DNAJB4: variants seen among roughly 807,000 people sequenced by gnomAD.
The protein encoded by DNAJB4 is dnaJ homolog subfamily B member 4.
A neutral mutation model predicts 26.6 loss-of-function variants in DNAJB4; 10 were observed. The ratio of observed to expected loss-of-function variants is 0.38; its 90% CI spans 0.23 to 0.64. The LOEUF (loss-of-function observed/expected upper bound fraction) is 0.64. DNAJB4 is among the 30% of genes least tolerant of loss of function. The pLI is 0.58. For synonymous variants in DNAJB4, 136 were observed against 134.8 expected (o/e 1.01, Z -0.06); for missense variants, 328 against 408.2 (o/e 0.80, Z 1.69).
chr1:78,015,531 TTTTCTTTC>T (rs1164236768), intron 2 of DNAJB4, among the ~76,000 whole-genome samples: 3 of 149,240 alleles, frequency 2.0e-5, no homozygotes, highest in Non-Finnish European at 3.0e-5. Context: ...TTCTTTTTCT[TTTTCTTTC>T]TTTCTTTCTT....
chr1:78,017,957 G>C lies in DNAJB4; in HGVS notation c.*1710G>C, dbSNP rs1660685384. On this transcript the variant is annotated 3_prime_UTR_variant, in exon 3 of 3. Transcript: ENST00000370763. ...TTTTTTGGCTATTATAAATAATGCT[G>C]CTGTGAACATTTGTGTGCAAGTTTT... 1 of 151,526 alleles carries C rather than the reference G, an allele frequency of 6.6e-6. No homozygotes were observed. Among genetic ancestry groups the C allele is most frequent in the Non-Finnish European group, 1.5e-5 (1 of 67,892 alleles). The allele number at this position is 151,526 out of a possible 1,614,324, so 9.4% of individuals were successfully genotyped here. A position where few individuals can be genotyped will look rare whatever the true frequency, so the allele number is the denominator to read the frequency against.
chr1:78,012,060 A>G (rs949846298), intron 1 of DNAJB4, among the ~76,000 whole-genome samples: 1 of 148,118 alleles, frequency 6.8e-6, no homozygotes, highest in Non-Finnish European at 1.5e-5. Context: ...AAAAACTTAT[A>G]TATTTATAAG....
intron 1 of DNAJB4, among the ~76,000 whole-genome samples, chr1:77,989,554 T>A (rs1659884495): frequency 6.6e-6 from 1 of 152,180 alleles, no homozygotes; most frequent in African/African-American, 2.4e-5. Flanking sequence ...ATACATGTGT[T>A]TTTAGGTTAA....
rs527256072 is a variant in DNAJB4, at chr1:77,985,876, C to T, written c.-32+5554C>T. Among the ~76,000 whole-genome samples the T allele has an allele frequency of 5.9e-5, 9 of 152,042 alleles. No individual in the cohort carries two copies. The South Asian group carries it at 1.2e-3, about 21-fold the overall frequency. ...TAAACAAAATAGACATATATCTCACCGTCTTGTCTTGAGCATGCTAGTGAG... is the reference window on the plus strand; with the variant it reads ...TAAACAAAATAGACATATATCTCACTGTCTTGTCTTGAGCATGCTAGTGAG... On this transcript the variant is annotated intron_variant, in intron 1 of 2. Coordinates refer to the DNAJB4 transcript ENST00000426517.
Position 77,987,371 on chromosome 1 carries a change from C to T in DNAJB4, c.-32+7049C>T, listed in dbSNP as rs573954453. 2.0e-5 allele frequency among the ~76,000 whole-genome samples: 3 copies of T among 152,282 alleles called. No individual in the cohort carries two copies. In the South Asian group the frequency reaches 6.2e-4, roughly 32 times the overall value. The stretch of plus-strand genomic sequence containing the variant: ...CTTGAGCTCTTGGGCTCAAGTGATC[C>T]CCCTGCCTCAGCCTCCTGAGTAGCT... On this transcript the variant is annotated intron_variant, in intron 1 of 2. Transcript: ENST00000426517.
chr1:78,000,125 G>A (rs1342659683), upstream of DNAJB4, among the ~76,000 whole-genome samples: 1 of 152,142 alleles, frequency 6.6e-6, no homozygotes, highest in Non-Finnish European at 1.5e-5. Flanking sequence ...CAATTGGACA[G>A]CTGTGTGTGT....
intron 1 of DNAJB4, among the ~76,000 whole-genome samples, chr1:77,983,977 C>A (rs971069531): frequency 5.9e-5 from 9 of 152,152 alleles, no homozygotes; most frequent in African/African-American, 2.2e-4. Context: ...AATTCAGGGT[C>A]TAGAAACAGC....
In DNAJB4 at chr1:78,016,759, G is replaced by A. The variant is rs1226913123; in HGVS notation, c.*512G>A. 2.6e-5 allele frequency: 4 copies of A among 152,598 alleles called. No individual in the cohort carries two copies. Among genetic ancestry groups the A allele is most frequent in the African/African-American group, 9.6e-5 (4 of 41,560 alleles). 9.5% of individuals were successfully genotyped at this position (152,598 alleles called of 1,614,324 possible). ...TGTAAAAGAATATCCTGATGCATCT[G>A]TTTCACCATTTTGATTTTTAAAGTA... is the stretch of plus-strand genomic sequence containing the variant. On this transcript the variant is annotated 3_prime_UTR_variant, in exon 3 of 3. Transcript: ENST00000370763.
intron 1 of DNAJB4, among the ~76,000 whole-genome samples, chr1:77,993,998 C>G (rs553878544): frequency 3.3e-5 from 5 of 152,186 alleles, no homozygotes; most frequent in Admixed American, 1.3e-4. Flanking sequence ...TTAAAGTCTT[C>G]GAATCATAGT....
At chr1:77,985,441 A>T (rs997122395) in intron 1 of DNAJB4, among the ~76,000 whole-genome samples, 1 of 152,142 alleles carries the variant, frequency 6.6e-6, no homozygotes, top group Non-Finnish European at 1.5e-5. Flanking sequence ...AAAGGAATTA[A>T]TTTTTTTATA....
upstream of DNAJB4, among the ~76,000 whole-genome samples, chr1:78,003,105 A>G (rs1332599000): frequency 6.6e-6 from 1 of 152,142 alleles, no homozygotes; most frequent in Non-Finnish European, 1.5e-5. Context: ...TCCTTTGGTA[A>G]GGAATATTTA....
chr1:78,013,020 T>G, intron 1 of DNAJB4, 31 bp from the exon 2 acceptor site: 1 of 1,520,852 alleles, frequency 6.6e-7, no homozygotes. Flanking sequence ...GTTGCAAGCT[T>G]TTTTCTAATC....
At position 78,013,530 on chromosome 1, in the gene DNAJB4, A is replaced by G. The variant is rs751877573; in HGVS notation, c.691A>G (p.Ile231Val). 3.1e-5 allele frequency: 50 copies of G among 1,613,484 alleles called. No individual in the cohort carries two copies. The highest frequency in any genetic ancestry group is 3.9e-5 in the Non-Finnish European group (46 of 1,179,960). The change falls in exon 2 of 3, where the codon ATT becomes GTT. Residue 231 changes from isoleucine (I) to valine (V), a missense_variant. Coordinates refer to ENST00000370763, the MANE Select transcript of DNAJB4 (RefSeq NM_007034.5). ...DETPNSIPAD[I>V]VFIIKDKDHP... ...AACACCAAATAGTATTCCAGCAGAC[A>G]TTGTTTTTATCATTAAAGACAAAGA... is the stretch of plus-strand genomic sequence containing the variant.
chr1:78,014,801 A>G (rs1348795879), intron 2 of DNAJB4, among the ~76,000 whole-genome samples: 1 of 151,928 alleles, frequency 6.6e-6, no homozygotes, highest in Non-Finnish European at 1.5e-5. Flanking sequence ...GGTTTTCACC[A>G]TGTTGGCCAG....
At chr1:77,988,047 A>G (rs1446054498) in intron 1 of DNAJB4, among the ~76,000 whole-genome samples, 1 of 122,892 alleles carries the variant, frequency 8.1e-6, no homozygotes, top group Non-Finnish European at 1.7e-5. Flanking sequence ...CCCCCCCCAG[A>G]CAGTGTCTCA....
intron 1 of DNAJB4, among the ~76,000 whole-genome samples, chr1:77,986,794 AT>A (rs1659802235): frequency 6.6e-6 from 1 of 152,246 alleles, no homozygotes. Flanking sequence ...ATAATAAAAA[AT>A]CCAGGGGTAG....
chr1:77,979,331 A>C (rs1039964171), upstream of DNAJB4: 41 of 302,182 alleles, frequency 1.4e-4, no homozygotes, highest in Non-Finnish European at 2.0e-4. Flanking sequence ...GTGGTGGGTG[A>C]TAGTGGCCAG....
At chr1:77,991,189 A>C (rs559123451) in intron 1 of DNAJB4, among the ~76,000 whole-genome samples, 3 of 152,186 alleles carry the variant, frequency 2.0e-5, no homozygotes, top group Non-Finnish European at 4.4e-5. Flanking sequence ...TATATATAAC[A>C]AATATCCCTT....
intron 2 of DNAJB4, 128 bp from the exon 3 acceptor site, chr1:78,015,886 A>T (rs1490231886): frequency 3.6e-6 from 3 of 838,342 alleles, no homozygotes; most frequent in Non-Finnish European, 5.4e-6. Flanking sequence ...AAAATTTATA[A>T]CTATTGTTAT....
Sources: allele counts gnomAD v4.1 joint callset (sites outside exome capture counted in the v4.1 genomes callset), GRCh38; gene constraint gnomAD v4.1.1; transcripts MANE v1.5; gene names NCBI Gene and HGNC (gene_info 2026-07-23, HGNC 2026-07-21).